Variants in TNNT3 observed in about 807,000 individuals in gnomAD.
TNNT3 encodes troponin T3, fast skeletal type, also known as troponin T, fast skeletal muscle.
TNNT3 carries 36 observed loss-of-function variants against 54.2 expected under a neutral mutation model. That is an observed-to-expected ratio of 0.66 (90% CI 0.51 to 0.88). The LOEUF is 0.88. TNNT3 is among the 40% of genes least tolerant of loss of function. The probability of loss-of-function intolerance (pLI) is 0.00; values close to 1 mark genes in which losing one functional copy is unlikely to be tolerated. For missense variants in TNNT3, 291 were observed against 331.6 expected (o/e 0.88, Z 0.95); for synonymous variants, 120 against 109.7 (o/e 1.09, Z -0.59).
rs772512169 is a variant in TNNT3 at position 1,938,549 on chromosome 11, C to T, written c.*57C>T. On this transcript the variant is annotated 3_prime_UTR_variant, in exon 16 of 16. Transcript: ENST00000278317. ...CCTCCGCCCTCTTGCACACCAGGGC[C>T]GCTCGTGGGACTCCACATCCTCCAG... 9 of 1,546,776 alleles carry T rather than the reference C, an allele frequency of 5.8e-6. No homozygotes were observed. The highest frequency in any genetic ancestry group is 1.7e-5 in the Admixed American group (1 of 58,250).
chr11:1,930,976 A>T (rs1354579326), intron 8 of TNNT3, among the ~76,000 whole-genome samples: 1 of 152,046 alleles, frequency 6.6e-6, no homozygotes, highest in Non-Finnish European at 1.5e-5. Context: ...AAAAAGCCTT[A>T]TTTCTTCCTT....
Position 1,935,034 on chromosome 11 carries a change from C to G in TNNT3, c.681+115C>G. ...ACCTGCCCACCCCAGGGACCTGGAC[C>G]CTGAGAGGCCCAAACAGGCTGTTGC... On this transcript the variant is annotated intron_variant, in intron 14 of 15. Transcript: ENST00000278317. 6 of 992,164 alleles carry G rather than the reference C, an allele frequency of 6.0e-6. No individual in the cohort carries two copies. In the Admixed American group the frequency reaches 1.1e-4, roughly 18 times the overall value. 61.5% of individuals were successfully genotyped at this position (992,164 alleles called of 1,614,324 possible).
At chr11:1,935,131 C>T in intron 14 of TNNT3, 1 of 638,712 alleles carries the variant, frequency 1.6e-6, no homozygotes, top group Non-Finnish European at 2.8e-6. Flanking sequence ...GCTGGCCATG[C>T]AGCGCCCTGA....
intron 5 of TNNT3, among the ~76,000 whole-genome samples, chr11:1,926,236 C>T (rs1387596388): frequency 6.6e-6 from 1 of 152,224 alleles, no homozygotes; most frequent in Non-Finnish European, 1.5e-5. Context: ...ATCCTCTGAG[C>T]CTCAGTTTCC....
intron 14 of TNNT3, 70 bp from the exon 15 acceptor site, chr11:1,936,893 C>T: frequency 6.6e-7 from 1 of 1,519,976 alleles, no homozygotes. Context: ...GCGGTGGAGA[C>T]AGGCCTTCAC....
intron 7 of TNNT3, 36 bp downstream of exon 7, chr11:1,929,179 C>T (rs770117127): frequency 6.2e-7 from 1 of 1,611,168 alleles, no homozygotes; most frequent in Non-Finnish European, 8.5e-7. Flanking sequence ...GGTGCAGGAC[C>T]CTGGCTCTAG....
In TNNT3 at chr11:1,938,528, C is replaced by A. The variant is rs147535560; in HGVS notation, c.*36C>A. The A allele has an allele frequency of 6.2e-7, 1 of 1,605,624 alleles. No homozygotes were observed. The highest frequency in any genetic ancestry group is 1.3e-5 in the African/African-American group (1 of 74,800). ...AAGGCCCCTCGAGGCAGAGACCCTC[C>A]GCCCTCTTGCACACCAGGGCCGCTC... On this transcript the variant is annotated 3_prime_UTR_variant, in exon 16 of 16. Transcript: ENST00000278317.
At chr11:1,927,029 C>T (rs1201527754) in intron 6 of TNNT3, among the ~76,000 whole-genome samples, 2 of 152,088 alleles carry the variant, frequency 1.3e-5, no homozygotes, top group East Asian at 1.9e-4. Flanking sequence ...CTTGGGAGGA[C>T]GGTGCTGGGG....
intron 14 of TNNT3, chr11:1,935,162 G>T: frequency 1.7e-6 from 1 of 590,072 alleles, no homozygotes; most frequent in Non-Finnish European, 3.0e-6. Context: ...TGGCCCCTTT[G>T]GGCGGCCTTG....
At chr11:1,922,689 G>A (rs1440573891) in intron 1 of TNNT3, 168 bp from the exon 2 acceptor site, 11 of 669,712 alleles carry the variant, frequency 1.6e-5, no homozygotes, top group Admixed American at 2.1e-5. Flanking sequence ...CTGGAGAAAG[G>A]GGAGGCCCAA....
At chr11:1,934,482 A>G in intron 12 of TNNT3, 37 bp downstream of exon 12, 2 of 1,610,056 alleles carry the variant, frequency 1.2e-6, no homozygotes, top group East Asian at 4.5e-5. Flanking sequence ...GGTAGCCTTC[A>G]GTGTGGGCTA....
At chr11:1,924,869 A>T (rs1473313043) in intron 4 of TNNT3, 41 of 639,240 alleles carry the variant, frequency 6.4e-5, no homozygotes, top group Non-Finnish European at 1.7e-5. Context: ...GGCCGGGCCC[A>T]GCCCAGCTGA....
intron 4 of TNNT3, 50 bp downstream of exon 4, chr11:1,923,622 A>G (rs1850700287): frequency 1.6e-6 from 2 of 1,213,454 alleles, no homozygotes; most frequent in Admixed American, 2.0e-5. Context: ...TTGGAACTTA[A>G]CCCCCCTCTC....
At chr11:1,932,146 GT>G (rs1475738358) in intron 8 of TNNT3, among the ~76,000 whole-genome samples, 1 of 152,232 alleles carries the variant, frequency 6.6e-6, no homozygotes, top group Non-Finnish European at 1.5e-5. Flanking sequence ...GGCTGCATTT[GT>G]TTATCTGTTT....
rs769210980 is a variant in TNNT3, at chr11:1,934,006, G to A, written c.364G>A (p.Ala122Thr). Residue 122 changes from alanine (A) to threonine (T), a missense_variant and splice_region_variant, in exon 11 of 16, where the codon GCG becomes ACG. Transcript: ENST00000278317. The stretch of plus-strand genomic sequence containing the variant: ...GGAGAGGGAGCGCCAGAACAGACTG[G>A]CGGTGAGGGCACCATCCGCACTGCT... ...EKERERQNRL[A>T]EEKARREEED... The A allele has an allele frequency of 6.2e-7, 1 of 1,611,820 alleles. No individual in the cohort carries two copies. Among genetic ancestry groups the A allele is most frequent in the Non-Finnish European group, 8.5e-7 (1 of 1,179,718 alleles).
intron 15 of TNNT3, 119 bp from the exon 16 acceptor site, chr11:1,938,319 C>A: frequency 1.8e-6 from 2 of 1,121,642 alleles, no homozygotes; most frequent in Non-Finnish European, 2.7e-6. Context: ...CAAGCTTGGG[C>A]CGGGCCTGTG....
chr11:1,919,636 G>T (rs995003448), upstream of TNNT3: 2 of 152,332 alleles, frequency 1.3e-5, no homozygotes, highest in Admixed American at 6.5e-5. Context: ...CGGCCACCCA[G>T]TCACTGGCCA....
chr11:1,933,687 G>T, intron 9 of TNNT3, 34 bp from the exon 10 acceptor site: 1 of 1,550,136 alleles, frequency 6.5e-7, no homozygotes, highest in Middle Eastern at 1.7e-4. Flanking sequence ...TTGGAGAGAG[G>T]GGTGGGGCTC....
chr11:1,932,008 C>T (rs535074816), intron 8 of TNNT3, among the ~76,000 whole-genome samples: 1 of 152,310 alleles, frequency 6.6e-6, no homozygotes, highest in Non-Finnish European at 1.5e-5. Context: ...AGCCCCCTCT[C>T]CTCCTTCCTT....
Sources: allele counts gnomAD v4.1 joint callset (sites outside exome capture counted in the v4.1 genomes callset), GRCh38; gene constraint gnomAD v4.1.1; transcripts MANE v1.5; gene names NCBI Gene and HGNC (gene_info 2026-07-23, HGNC 2026-07-21).